JARID2: variants seen among roughly 807,000 people sequenced by gnomAD.
JARID2 encodes protein Jumonji.
A neutral mutation model predicts 125.6 loss-of-function variants in JARID2; 21 were observed. That is an observed-to-expected ratio of 0.17 (90% CI 0.12 to 0.24). The LOEUF is 0.24. Ranked by LOEUF, JARID2 falls within the 10% of genes least tolerant of loss-of-function variation. The probability of loss-of-function intolerance (pLI) is 1.00; values close to 1 mark genes in which losing one functional copy is unlikely to be tolerated. For synonymous variants in JARID2, 736 were observed against 661.6 expected (o/e 1.11, Z -1.73); for missense variants, 1,303 against 1,639.6 (o/e 0.79, Z 3.55).
chr6:15,374,423 G>C (rs1170831500), intron 2 of JARID2, among the ~76,000 whole-genome samples, 171 bp downstream of exon 2: 1 of 152,188 alleles, frequency 6.6e-6, no homozygotes. Context: ...TTATAGGGTT[G>C]TTTTTGTGTT....
At chr6:15,497,852 G>T (rs1405664977) in intron 7 of JARID2, among the ~76,000 whole-genome samples, 1 of 152,040 alleles carries the variant, frequency 6.6e-6, no homozygotes, top group African/African-American at 2.4e-5. Flanking sequence ...GGGGCCAGCA[G>T]GGTTGGTTTC....
intron 5 of JARID2, among the ~76,000 whole-genome samples, chr6:15,483,894 G>T (rs1350171531): frequency 6.6e-6 from 1 of 152,090 alleles, no homozygotes. Flanking sequence ...CCACATCCTT[G>T]CAATCAGTCA....
chr6:15,303,918 A>G (rs908747486), intron 1 of JARID2, among the ~76,000 whole-genome samples: 5 of 152,086 alleles, frequency 3.3e-5, no homozygotes, highest in Admixed American at 3.3e-4. Flanking sequence ...CCCAGGGCAT[A>G]ATTTAGTGGT....
intron 2 of JARID2, among the ~76,000 whole-genome samples, chr6:15,404,246 C>G (rs1765556700): frequency 6.6e-6 from 1 of 152,188 alleles, no homozygotes; most frequent in Admixed American, 6.5e-5. Flanking sequence ...CCATTGGAAG[C>G]TTCACATGCT....
At chr6:15,473,460 G>T (rs937875464) in intron 5 of JARID2, among the ~76,000 whole-genome samples, 6 of 129,680 alleles carry the variant, frequency 4.6e-5, no homozygotes, top group African/African-American at 1.7e-4. Flanking sequence ...GTCATTCCCT[G>T]TCACTTGGTG....
intron 1 of JARID2, among the ~76,000 whole-genome samples, chr6:15,299,860 A>G (rs1717020874): frequency 6.6e-6 from 1 of 152,152 alleles, no homozygotes; most frequent in African/African-American, 2.4e-5. Flanking sequence ...GGTTGCTTTG[A>G]GGATGATTGC....
chr6:15,460,569 G>A (rs13202100), intron 4 of JARID2, among the ~76,000 whole-genome samples: 37,717 of 152,182 alleles, frequency 0.25, 4,802 homozygotes, highest in Middle Eastern at 0.35. Flanking sequence ...AGTCCCTGGT[G>A]TCTGTGTCCC....
At chr6:15,298,776 G>A (rs1375742707) in intron 1 of JARID2, among the ~76,000 whole-genome samples, 3 of 151,530 alleles carry the variant, frequency 2.0e-5, no homozygotes, top group Non-Finnish European at 4.4e-5. Context: ...TAGGATAATT[G>A]CCTTTTCCAG....
At chr6:15,413,003 T>G (rs868604151) in intron 3 of JARID2, among the ~76,000 whole-genome samples, 1,918 of 58,566 alleles carry the variant, frequency 0.033, 109 homozygotes, top group African/African-American at 0.15. Context: ...AGAGCTTGTG[T>G]TTTTGTTTTT....
intron 1 of JARID2, chr6:15,248,695 C>G (rs986181737): frequency 4.5e-5 from 7 of 155,628 alleles, no homozygotes; most frequent in Admixed American, 3.3e-4. Flanking sequence ...CCTCCGCCCC[C>G]CGCGGCGCTC....
intron 1 of JARID2, among the ~76,000 whole-genome samples, chr6:15,300,185 G>A (rs183123307): frequency 5.7e-4 from 87 of 152,246 alleles, no homozygotes; most frequent in African/African-American, 2.0e-3. Context: ...AAAATTTTCC[G>A]CAGTGAAGGT....
intron 2 of JARID2, among the ~76,000 whole-genome samples, chr6:15,378,555 A>G (rs1377181552): frequency 6.6e-6 from 1 of 152,134 alleles, no homozygotes; most frequent in Non-Finnish European, 1.5e-5. Context: ...TATGACTGTT[A>G]GATGTGGTAG....
At chr6:15,288,444 C>T (rs2127390964) in intron 1 of JARID2, among the ~76,000 whole-genome samples, 1 of 152,330 alleles carries the variant, frequency 6.6e-6, no homozygotes, top group East Asian at 1.9e-4. Flanking sequence ...CAGGCCCTGT[C>T]CCCCAACACT....
At chr6:15,257,608 C>G (rs1007579533) in intron 1 of JARID2, among the ~76,000 whole-genome samples, 1 of 152,178 alleles carries the variant, frequency 6.6e-6, no homozygotes, top group Admixed American at 6.5e-5. Context: ...TGTTTGCACT[C>G]AACTCTAAAT....
intron 1 of JARID2, among the ~76,000 whole-genome samples, chr6:15,307,339 C>A (rs565352728): frequency 2.0e-5 from 3 of 152,188 alleles, no homozygotes; most frequent in Admixed American, 2.0e-4. Context: ...TCTCCTGCCT[C>A]AGCCTCCCTA....
At chr6:15,351,126 T>A (rs965770235) in intron 1 of JARID2, among the ~76,000 whole-genome samples, 3 of 152,178 alleles carry the variant, frequency 2.0e-5, no homozygotes, top group African/African-American at 7.2e-5. Context: ...ACGAAGAGGA[T>A]GTTGCTGAAG....
At chr6:15,459,033 C>T (rs1408921325) in intron 4 of JARID2, among the ~76,000 whole-genome samples, 2 of 152,174 alleles carry the variant, frequency 1.3e-5, no homozygotes, top group African/African-American at 4.8e-5. Flanking sequence ...GGAGTTCTTT[C>T]TAGGGGCATT....
intron 11 of JARID2, 29 bp downstream of exon 11, chr6:15,507,445 G>T: frequency 6.3e-7 from 1 of 1,599,832 alleles, no homozygotes; most frequent in Non-Finnish European, 8.6e-7. Flanking sequence ...GCCTGCCTGT[G>T]GCAGCTGTGT....
chr6:15,246,705 C>CTT, intron 1 of JARID2, 121 bp downstream of exon 1: 9 of 889,786 alleles, frequency 1.0e-5, no homozygotes, highest in Non-Finnish European at 1.1e-5. Flanking sequence ...AAGGCTGTTT[C>CTT]TTTTTTTTCT....
Sources: gnomAD v4.1 joint callset for allele counts (sites outside exome capture counted in the v4.1 genomes callset) on GRCh38, gnomAD v4.1.1 for gene constraint, MANE v1.5 for transcripts, NCBI Gene and HGNC (gene_info 2026-07-23, HGNC 2026-07-21) for gene names.